IL1RAPL2: variants seen among roughly 807,000 people sequenced by gnomAD.
IL1RAPL2 encodes X-linked interleukin-1 receptor accessory protein-like 2.
In IL1RAPL2, 3 loss-of-function variants were observed where a neutral mutation model predicts 44.1. The observed-to-expected ratio is 0.07, with a 90% CI of 0.03 to 0.18. IL1RAPL2 has a LOEUF of 0.18. Among genes scored for constraint, IL1RAPL2 ranks in the 10% least tolerant of loss-of-function variants. The probability of loss-of-function intolerance (pLI) is 1.00; values close to 1 mark genes in which losing one functional copy is unlikely to be tolerated. For synonymous variants in IL1RAPL2, 181 were observed against 178.8 expected, an observed-to-expected ratio of 1.01 and a Z score of -0.10; for missense variants, 391 against 496.4, an observed-to-expected ratio of 0.79 and a Z score of 2.02.
intron 2 of IL1RAPL2, among the ~76,000 whole-genome samples, chrX:104,957,418 A>AGG (rs1239182720): frequency 1.8e-5 from 2 of 111,825 alleles, no homozygotes; most frequent in Non-Finnish European, 3.8e-5. Flanking sequence ...CTATCAAGGA[A>AGG]GGATAGCACC....
At chrX:104,930,264 A>T (rs149429914) in intron 2 of IL1RAPL2, among the ~76,000 whole-genome samples, 1 of 112,046 alleles carries the variant, frequency 8.9e-6, no homozygotes, top group Non-Finnish European at 1.9e-5. Context: ...AGTACTGATA[A>T]TTTTATGGAA....
intron 1 of IL1RAPL2, among the ~76,000 whole-genome samples, chrX:104,602,483 A>G (rs1928904254): frequency 9.0e-6 from 1 of 111,234 alleles, no homozygotes; most frequent in Admixed American, 9.6e-5. Flanking sequence ...GACAGAATCA[A>G]TTACTCCCCT....
intron 6 of IL1RAPL2, among the ~76,000 whole-genome samples, chrX:105,624,289 T>A (rs2037439175): frequency 9.0e-6 from 1 of 110,963 alleles, no homozygotes; most frequent in East Asian, 2.8e-4. Flanking sequence ...GTTGCAGAAT[T>A]GTAGTTGGTG....
chrX:105,443,159 T>C (rs1414281381), intron 5 of IL1RAPL2, among the ~76,000 whole-genome samples: 4 of 112,087 alleles, frequency 3.6e-5, no homozygotes, highest in South Asian at 3.7e-4. Context: ...AGTGTCTTCA[T>C]TGGATTGATA....
At chrX:105,339,746 A>G (rs2035056340) in intron 5 of IL1RAPL2, among the ~76,000 whole-genome samples, 1 of 111,568 alleles carries the variant, frequency 9.0e-6, no homozygotes, top group Non-Finnish European at 1.9e-5. Flanking sequence ...GATGATGATC[A>G]GATGTAATCA....
intron 1 of IL1RAPL2, among the ~76,000 whole-genome samples, chrX:104,611,487 C>A (rs1331169637): frequency 1.8e-5 from 2 of 110,841 alleles, no homozygotes; most frequent in Non-Finnish European, 3.8e-5. Flanking sequence ...GTGGTGGACG[C>A]CCCTCCCGTC....
At chrX:105,349,124 A>C (rs2035133071) in intron 5 of IL1RAPL2, among the ~76,000 whole-genome samples, 1 of 112,281 alleles carries the variant, frequency 8.9e-6, no homozygotes, top group African/African-American at 3.2e-5. Flanking sequence ...AATTGGAGTT[A>C]ATCGTGGTGG....
intron 2 of IL1RAPL2, among the ~76,000 whole-genome samples, chrX:105,011,525 G>C (rs2031047713): frequency 1.8e-5 from 2 of 111,039 alleles, no homozygotes; most frequent in Admixed American, 1.9e-4. Flanking sequence ...CCACTTTCTG[G>C]CCCTATGGAT....
intron 2 of IL1RAPL2, among the ~76,000 whole-genome samples, chrX:104,874,289 TC>T (rs1922847118): frequency 9.5e-6 from 1 of 105,568 alleles, no homozygotes; most frequent in African/African-American, 3.5e-5. Flanking sequence ...CCTCTCTCTC[TC>T]TCTCTCTCTC....
At chrX:105,252,952 C>T (rs1448262328) in intron 4 of IL1RAPL2, among the ~76,000 whole-genome samples, 1 of 111,028 alleles carries the variant, frequency 9.0e-6, no homozygotes, top group Non-Finnish European at 1.9e-5. Context: ...TTTTTGTCTA[C>T]TTCAAGTGTT....
intron 2 of IL1RAPL2, among the ~76,000 whole-genome samples, chrX:105,098,589 T>C (rs1781892121): frequency 8.9e-6 from 1 of 112,515 alleles, no homozygotes; most frequent in Non-Finnish European, 1.9e-5. Context: ...TATTTTGATC[T>C]GCAGGTCTTC....
intron 6 of IL1RAPL2, among the ~76,000 whole-genome samples, chrX:105,526,056 G>C (rs768711888): frequency 2.7e-4 from 30 of 111,696 alleles, no homozygotes; most frequent in African/African-American, 9.7e-4. Context: ...AGTTGAAATG[G>C]ATTGTATTAA....
intron 5 of IL1RAPL2, among the ~76,000 whole-genome samples, chrX:105,358,259 T>C (rs1408559063): frequency 2.7e-5 from 3 of 110,466 alleles, no homozygotes; most frequent in African/African-American, 9.9e-5. Context: ...ATATGTTTTT[T>C]TTCCTACACG....
intron 8 of IL1RAPL2, among the ~76,000 whole-genome samples, chrX:105,745,935 G>A (rs1049227793): frequency 5.4e-5 from 6 of 111,824 alleles, no homozygotes; most frequent in Admixed American, 2.8e-4. Flanking sequence ...CTCCTGCCCC[G>A]GCCTCCCCAA....
intron 2 of IL1RAPL2, among the ~76,000 whole-genome samples, chrX:104,856,369 C>G (rs1483920047): frequency 3.6e-5 from 4 of 111,744 alleles, no homozygotes; most frequent in African/African-American, 1.3e-4. Context: ...GATATGTCAG[C>G]AAGACAATAT....
At chrX:104,642,849 A>G (rs887124505) in intron 1 of IL1RAPL2, among the ~76,000 whole-genome samples, 2 of 111,872 alleles carry the variant, frequency 1.8e-5, no homozygotes, top group Non-Finnish European at 3.8e-5. Flanking sequence ...GAAATTTTGC[A>G]TTAAGATAGA....
At chrX:105,346,529 G>A (rs1415036495) in intron 5 of IL1RAPL2, among the ~76,000 whole-genome samples, 1 of 112,158 alleles carries the variant, frequency 8.9e-6, no homozygotes, top group Non-Finnish European at 1.9e-5. Context: ...AAAGCCTTCT[G>A]CCAAATGGGG....
intron 2 of IL1RAPL2, among the ~76,000 whole-genome samples, chrX:104,793,824 A>G (rs1932837289): frequency 9.0e-6 from 1 of 111,556 alleles, no homozygotes; most frequent in African/African-American, 3.3e-5. Flanking sequence ...TGAGCACCTT[A>G]CTGGTTAATG....
At chrX:105,522,897 A>T (rs1043085355) in intron 6 of IL1RAPL2, among the ~76,000 whole-genome samples, 2 of 110,920 alleles carry the variant, frequency 1.8e-5, no homozygotes, top group African/African-American at 6.5e-5. Flanking sequence ...TATTTCTCTC[A>T]TATCAATCAC....
Sources: gnomAD v4.1 joint callset for allele counts (sites outside exome capture counted in the v4.1 genomes callset) on GRCh38, gnomAD v4.1.1 for gene constraint, MANE v1.5 for transcripts, NCBI Gene and HGNC (gene_info 2026-07-23, HGNC 2026-07-21) for gene names.